KIAA0232: variants seen among roughly 807,000 people sequenced by gnomAD.
KIAA0232 encodes KIAA0232.
Under a neutral mutation model 122.0 loss-of-function variants are expected in KIAA0232, and 27 were observed. The ratio of observed to expected loss-of-function variants is 0.22; its 90% CI spans 0.16 to 0.31. The LOEUF (loss-of-function observed/expected upper bound fraction) is 0.31. Ranked by LOEUF, KIAA0232 falls within the 10% of genes least tolerant of loss-of-function variation. The pLI is 1.00. For synonymous variants in KIAA0232, 613 were observed against 587.6 expected (o/e 1.04, Z -0.63); for missense variants, 1,551 against 1,634.2 (o/e 0.95, Z 0.88).
chr4:6,834,000 C>T (rs1020009084), intron 3 of KIAA0232, among the ~76,000 whole-genome samples: 7 of 152,190 alleles, frequency 4.6e-5, no homozygotes, highest in Admixed American at 3.9e-4. Context: ...AATCTGAAGA[C>T]CTGTGTTCTA....
At chr4:6,850,492 T>C (rs954514174) in intron 4 of KIAA0232, among the ~76,000 whole-genome samples, 1 of 152,204 alleles carries the variant, frequency 6.6e-6, no homozygotes. Context: ...TTGTAACTTC[T>C]TTTAGTTAAA....
chr4:6,854,616 A>G (rs541086250), intron 4 of KIAA0232, among the ~76,000 whole-genome samples: 9 of 152,292 alleles, frequency 5.9e-5, no homozygotes, highest in African/African-American at 2.2e-4. Flanking sequence ...GGTTTGGAGT[A>G]CTGTAATTTG....
At chr4:6,790,357 TTTTA>T (rs1235851475) in intron 1 of KIAA0232, among the ~76,000 whole-genome samples, 2 of 151,392 alleles carry the variant, frequency 1.3e-5, no homozygotes, top group East Asian at 3.9e-4. Flanking sequence ...CCCTTCCTTT[TTTTA>T]TTTAATTTTT....
intron 2 of KIAA0232, among the ~76,000 whole-genome samples, chr4:6,812,286 C>T (rs1261731911): frequency 1.3e-5 from 2 of 152,144 alleles, no homozygotes; most frequent in South Asian, 2.1e-4. Flanking sequence ...TATATTTGCA[C>T]ACCGGCTCCA....
chr4:6,829,199 G>C (rs1028132909), intron 3 of KIAA0232, among the ~76,000 whole-genome samples: 1 of 152,086 alleles, frequency 6.6e-6, no homozygotes, highest in African/African-American at 2.4e-5. Flanking sequence ...TATGGTAGTA[G>C]CATTGCATAA....
At position 6,855,253 on chromosome 4, in the gene KIAA0232, T is replaced by G. The variant is rs1162826107; in HGVS notation, c.370-1911T>G. Among the ~76,000 whole-genome samples, 3 of 151,694 alleles carry G rather than the reference T, an allele frequency of 2.0e-5. No individual in the cohort carries two copies. On this transcript the variant is annotated intron_variant, in intron 4 of 9. Transcript: ENST00000307659. The surrounding 1 kb of genome is among the most constrained non-coding windows in gnomAD (Gnocchi z 4.3). Reference sequence around the variant, plus strand: ...GTGCCTGCCACCACGCCCAGCTAATTTTTTTTGTATTTTTAGTAGAAACGG... The same window carrying G: ...GTGCCTGCCACCACGCCCAGCTAATGTTTTTTGTATTTTTAGTAGAAACGG...
Position 6,824,297 on chromosome 4 carries a change from G to A in KIAA0232, c.-157G>A, listed in dbSNP as rs560780709. The A allele has an allele frequency of 1.8e-5, 12 of 650,624 alleles. No individual in the cohort carries two copies. Among genetic ancestry groups the A allele is most frequent in the African/African-American group, 9.0e-5 (5 of 55,552 alleles). 40.3% of individuals were successfully genotyped at this position (650,624 alleles called of 1,614,324 possible). A position where few individuals can be genotyped will look rare whatever the true frequency, so the allele number is the denominator to read the frequency against. On this transcript the variant is annotated 5_prime_UTR_variant, in exon 3 of 10. Coordinates refer to ENST00000307659, the MANE Select transcript of KIAA0232 (RefSeq NM_014743.3). ...CATTAGTCATGCCTGAAGAGGGAAA[G>A]TCTGTTTTAGGTGGCTGACTACCAG...
chr4:6,783,291 C>T (rs886503110), intron 1 of KIAA0232, among the ~76,000 whole-genome samples: 1 of 152,198 alleles, frequency 6.6e-6, no homozygotes, highest in African/African-American at 2.4e-5. Flanking sequence ...GACGCCGGGA[C>T]ACCAGCTTGC....
intron 1 of KIAA0232, among the ~76,000 whole-genome samples, chr4:6,793,948 G>C (rs1457888853): frequency 6.6e-6 from 1 of 152,190 alleles, no homozygotes; most frequent in Non-Finnish European, 1.5e-5. Context: ...AAAAGTTCAT[G>C]TTCTTTCCGC....
chr4:6,876,343 C>T (rs1013924579), intron 8 of KIAA0232, among the ~76,000 whole-genome samples: 4 of 152,112 alleles, frequency 2.6e-5, no homozygotes, highest in East Asian at 1.9e-4. Context: ...TTCCCAGGGC[C>T]GATCACATTA....
intron 3 of KIAA0232, among the ~76,000 whole-genome samples, chr4:6,840,086 G>A (rs1318590912): frequency 2.0e-5 from 3 of 152,138 alleles, no homozygotes; most frequent in East Asian, 1.9e-4. Context: ...CCAGAAGTTG[G>A]GCTGGCCCCT....
chr4:6,824,056 A>C (rs1309570280), intron 2 of KIAA0232, 129 bp from the exon 3 acceptor site: 1 of 380,064 alleles, frequency 2.6e-6, no homozygotes. Context: ...GGGGGGAAAA[A>C]TCAGTGTTCT....
chr4:6,794,422 C>A (rs563095639), intron 1 of KIAA0232, among the ~76,000 whole-genome samples: 1 of 152,290 alleles, frequency 6.6e-6, no homozygotes, highest in East Asian at 1.9e-4. Flanking sequence ...GAAGGGTGAT[C>A]TGAGCAGGGC....
At position 6,871,665 on chromosome 4, in the gene KIAA0232, C is replaced by G; in HGVS notation, c.3893C>G (p.Pro1298Arg). The change falls in exon 8 of 10, where the codon CCT (proline) becomes CGT (arginine). Residue 1298 changes from proline (P) to arginine (R), a missense_variant. Physicochemically the swap from Pro to Arg is moderately radical, Grantham distance 103. Coordinates refer to ENST00000307659, the MANE Select transcript of KIAA0232 (RefSeq NM_014743.3). ...AAAGCCTTGTACTCTCCTCTTTTTC[C>G]TGCATCAGAGTGTGAAGGTAAGGAG... Reference protein sequence around the residue: ...WEKALYSPLFPASECEECYTN... With the variant: ...WEKALYSPLFRASECEECYTN... The G allele has an allele frequency of 6.2e-7, 1 of 1,605,484 alleles. No homozygotes were observed. The highest frequency in any genetic ancestry group is 8.5e-7 in the Non-Finnish European group (1 of 1,172,642).
At chr4:6,808,948 C>A (rs186940655) in intron 2 of KIAA0232, among the ~76,000 whole-genome samples, 9 of 152,200 alleles carry the variant, frequency 5.9e-5, no homozygotes, top group South Asian at 2.1e-4. Context: ...GGAACCCATT[C>A]CCAGGAGGCA....
rs900302183 is a variant in KIAA0232, at chr4:6,858,421, A to G, written c.437-4A>G. On this transcript the variant is annotated splice_polypyrimidine_tract_variant and splice_region_variant and intron_variant, in intron 5 of 9. Coordinates refer to ENST00000307659, the MANE Select transcript of KIAA0232 (RefSeq NM_014743.3). ...AATCTTTCTTAATTTTTGTTTCATA[A>G]CAGAAGAGAAGATTCACAAAAAGTT... 6.4e-7 allele frequency: 1 copy of G among 1,574,112 alleles called. No individual in the cohort carries two copies. The highest frequency in any genetic ancestry group is 2.2e-5 in the East Asian group (1 of 44,468).
At chr4:6,813,099 C>A (rs1717948706) in intron 2 of KIAA0232, among the ~76,000 whole-genome samples, 1 of 151,872 alleles carries the variant, frequency 6.6e-6, no homozygotes, top group Non-Finnish European at 1.5e-5. Flanking sequence ...TTAGGAACAC[C>A]AATAGGAGTT....
At chr4:6,783,813 A>G (rs1404105680) in intron 1 of KIAA0232, among the ~76,000 whole-genome samples, 1 of 152,130 alleles carries the variant, frequency 6.6e-6, no homozygotes, top group Non-Finnish European at 1.5e-5. Flanking sequence ...CCCTGTCGCG[A>G]GGGCGCCCCG....
At chr4:6,796,843 G>A (rs1001267737) in intron 1 of KIAA0232, among the ~76,000 whole-genome samples, 5 of 152,116 alleles carry the variant, frequency 3.3e-5, no homozygotes, top group South Asian at 2.1e-4. Flanking sequence ...CTTAGCTACC[G>A]TGATGGGAGG....
Sources: allele counts gnomAD v4.1 joint callset (sites outside exome capture counted in the v4.1 genomes callset), GRCh38; gene constraint gnomAD v4.1.1; non-coding constraint Gnocchi (gnomAD v3.1); transcripts MANE v1.5; gene names NCBI Gene and HGNC (gene_info 2026-07-23, HGNC 2026-07-21).